The following HTR7 variants were observed in gnomAD, a reference collection of about 807,000 sequenced individuals.
HTR7 encodes 5-hydroxytryptamine receptor 7, also known as 5-HT-7.
Under a neutral mutation model 34.0 loss-of-function variants are expected in HTR7, and 16 were observed. The observed-to-expected ratio is 0.47, with a 90% confidence interval of 0.32 to 0.71. The LOEUF (loss-of-function observed/expected upper bound fraction) is 0.71, where lower values mean the gene tolerates loss of function less well. Among genes scored for constraint, HTR7 ranks in the 30% least tolerant of loss-of-function variants. The probability of loss-of-function intolerance (pLI) is 0.04; values close to 1 mark genes in which losing one functional copy is unlikely to be tolerated. For synonymous variants in HTR7, 265 were observed against 260.2 expected, an observed-to-expected ratio of 1.02 and a Z score of -0.18; for missense variants, 504 against 625.5, an observed-to-expected ratio of 0.81 and a Z score of 2.07.
intron 1 of HTR7, among the ~76,000 whole-genome samples, chr10:90,781,562 A>ATTTTTTAAAAATCCT (rs970910159): frequency 2.0e-5 from 3 of 152,208 alleles, no homozygotes; most frequent in African/African-American, 7.2e-5. Flanking sequence ...ATAAGAACTG[A>ATTTTTTAAAAATCCT]TTTTTTAAAA....
chr10:90,832,573 A>G (rs558047921), intron 1 of HTR7, among the ~76,000 whole-genome samples: 1 of 152,118 alleles, frequency 6.6e-6, no homozygotes, highest in East Asian at 1.9e-4. Context: ...ACACCTTCCC[A>G]CAAGCTGAGG....
chr10:90,767,812 C>T (rs189939565), intron 1 of HTR7, among the ~76,000 whole-genome samples: 10 of 152,172 alleles, frequency 6.6e-5, no homozygotes, highest in African/African-American at 2.2e-4. Context: ...CCTCAGAGCA[C>T]GACAGACTTC....
chr10:90,749,652 G>C lies in HTR7; in HGVS notation c.540-58C>G, dbSNP rs1357193635. On this transcript the variant is annotated intron_variant, in intron 1 of 3. Coordinates refer to ENST00000336152, the MANE Select transcript of HTR7 (RefSeq NM_019859.4). The surrounding 1 kb of genome is among the most constrained non-coding windows in gnomAD (Gnocchi z 4.2). ...ACCGTGATCATAACTGGTCAACCAAGCAAGTCCTGCCAGCCAGGTACCAGC... is the reference window on the plus strand; with the variant it reads ...ACCGTGATCATAACTGGTCAACCAACCAAGTCCTGCCAGCCAGGTACCAGC... 6 of 1,507,328 alleles carry C rather than the reference G, an allele frequency of 4.0e-6. No individual in the cohort carries two copies. In the African/African-American group the frequency reaches 6.9e-5, roughly 17 times the overall value. The allele number at this position is 1,507,328 out of a possible 1,614,324, so 93.4% of individuals were successfully genotyped here. A position where few individuals can be genotyped will look rare whatever the true frequency, so the allele number is the denominator to read the frequency against.
At position 90,857,796 on chromosome 10, in the gene HTR7, G is replaced by C; in HGVS notation, c.-125C>G. Reference sequence around the variant, plus strand: ...CCCAGCCATGGGGCCCGCGCCGACCGCTGGGGGGCGCCTGGCTCTGTCTCG... The same window carrying C: ...CCCAGCCATGGGGCCCGCGCCGACCCCTGGGGGGCGCCTGGCTCTGTCTCG... On this transcript the variant is annotated 5_prime_UTR_variant, in exon 1 of 4. Transcript: ENST00000336152. The surrounding 1 kb of genome is among the most constrained non-coding windows in gnomAD (Gnocchi z 6.5). The C allele has an allele frequency of 1.1e-6, 1 of 906,886 alleles. No homozygotes were observed. The highest frequency in any genetic ancestry group is 1.5e-6 in the Non-Finnish European group (1 of 682,000). The allele number at this position is 906,886 out of a possible 1,614,324, so 56.2% of individuals were successfully genotyped here. A position where few individuals can be genotyped will look rare whatever the true frequency, so the allele number is the denominator to read the frequency against.
chr10:90,832,395 C>T (rs1011317553), intron 1 of HTR7, among the ~76,000 whole-genome samples: 4 of 152,332 alleles, frequency 2.6e-5, no homozygotes, highest in South Asian at 2.1e-4. Flanking sequence ...GGGGACCCGG[C>T]ACACCCTCTG....
chr10:90,814,000 C>G (rs1845858615), intron 1 of HTR7, among the ~76,000 whole-genome samples: 1 of 152,222 alleles, frequency 6.6e-6, no homozygotes, highest in Admixed American at 6.5e-5. Context: ...AGGTGCCCCT[C>G]TCTTTCGCAA....
At position 90,770,982 on chromosome 10, in the gene HTR7, G is replaced by A. The variant is rs528492925; in HGVS notation, c.540-21388C>T. Among the ~76,000 whole-genome samples, 3 of 152,320 alleles carry A rather than the reference G, an allele frequency of 2.0e-5. No individual in the cohort carries two copies. In the East Asian group the frequency reaches 5.8e-4, roughly 29 times the overall value. ...AATGGGCACACACTTCCTCCCATCT[G>A]AGGCCCATAAAAGCCCCAGGCTCAG... On this transcript the variant is annotated intron_variant, in intron 1 of 3. Coordinates refer to ENST00000336152, the MANE Select transcript of HTR7 (RefSeq NM_019859.4).
rs146218770 is a variant in HTR7, at chr10:90,813,252, C to T, written c.539+43881G>A. Among the ~76,000 whole-genome samples, 1,096 of 152,258 alleles carry T rather than the reference C, an allele frequency of 7.2e-3. 22 individuals carry two copies. The highest frequency in any genetic ancestry group is 0.025 in the African/African-American group (1,024 of 41,538). On this transcript the variant is annotated intron_variant, in intron 1 of 3. Transcript: ENST00000336152. ...GTTTGGTGGTCTCTTCACACGGACG[C>T]GCATGAAACCTATAATACCAGCACT...
At chr10:90,755,103 C>A (rs1844816095) in intron 1 of HTR7, among the ~76,000 whole-genome samples, 1 of 152,210 alleles carries the variant, frequency 6.6e-6, no homozygotes, top group South Asian at 2.1e-4. Context: ...CCCCACACTG[C>A]TGTCAAAGCA....
rs117932094 is a variant in HTR7, at chr10:90,785,777, C to G, written c.540-36183G>C. On this transcript the variant is annotated intron_variant, in intron 1 of 3. Transcript: ENST00000336152. Reference sequence around the variant, plus strand: ...CTCAAAACTATGCTGATTTTTTTCCCCAACAATTCTTACTCCTTCTCAGAA... The same window carrying G: ...CTCAAAACTATGCTGATTTTTTTCCGCAACAATTCTTACTCCTTCTCAGAA... Among the ~76,000 whole-genome samples the G allele has an allele frequency of 8.7e-3, 1,330 of 152,092 alleles. 8 individuals carry two copies. Among genetic ancestry groups the G allele is most frequent in the Non-Finnish European group, 0.013 (852 of 67,990 alleles).
Position 90,857,572 on chromosome 10 carries a change from C to A in HTR7, c.100G>T (p.Asp34Tyr). ...CCCGCGACCGGGTCGGCGCCACCGT[C>A]GGGGCTCAAGTCGGGCAGCCCGCGC... is the stretch of plus-strand genomic sequence containing the variant. Reference protein sequence around the residue: ...VGRGLPDLSPDGGADPVAGSW... With the variant: ...VGRGLPDLSPYGGADPVAGSW... The change falls in exon 1 of 4, where the codon GAC becomes TAC. Residue 34 changes from aspartate to tyrosine, a missense_variant. Physicochemically the swap from Asp to Tyr is radical, Grantham distance 160 (BLOSUM62 -3). Coordinates refer to ENST00000336152, the MANE Select transcript of HTR7 (RefSeq NM_019859.4). The surrounding 1 kb of genome is among the most constrained non-coding windows in gnomAD (Gnocchi z 6.5). 6.3e-7 allele frequency: 1 copy of A among 1,595,430 alleles called. No homozygotes were observed. Among genetic ancestry groups the A allele is most frequent in the Non-Finnish European group, 8.5e-7 (1 of 1,172,586 alleles).
intron 2 of HTR7, among the ~76,000 whole-genome samples, chr10:90,745,206 A>G (rs1409803079): frequency 6.6e-6 from 1 of 152,194 alleles, no homozygotes; most frequent in Non-Finnish European, 1.5e-5. Flanking sequence ...ACAGAAATTT[A>G]TTTCTTATAG....
chr10:90,770,257 A>G (rs1041293883), intron 1 of HTR7, among the ~76,000 whole-genome samples: 1 of 152,162 alleles, frequency 6.6e-6, no homozygotes, highest in African/African-American at 2.4e-5. Flanking sequence ...ACCCTCTGAG[A>G]GCCTGCTGCC....
chr10:90,833,455 T>C (rs1589474135), intron 1 of HTR7, among the ~76,000 whole-genome samples: 1 of 152,346 alleles, frequency 6.6e-6, no homozygotes. Context: ...AAGCCTTTCC[T>C]TATTTGTAAA....
chr10:90,786,446 G>A (rs1311947216), intron 1 of HTR7, among the ~76,000 whole-genome samples: 2 of 152,160 alleles, frequency 1.3e-5, no homozygotes, highest in African/African-American at 2.4e-5. Flanking sequence ...ACACTTCCAC[G>A]TGTATTTGTT....
At chr10:90,748,805 G>C (rs1391553072) in intron 2 of HTR7, 34 bp downstream of exon 2, 3 of 1,571,112 alleles carry the variant, frequency 1.9e-6, no homozygotes, top group Middle Eastern at 1.9e-4. Context: ...AAGGGTTTGG[G>C]GGATAAAAGG....
intron 1 of HTR7, among the ~76,000 whole-genome samples, chr10:90,815,613 G>A (rs1845887334): frequency 2.0e-5 from 3 of 152,112 alleles, no homozygotes; most frequent in Admixed American, 2.0e-4. Context: ...AATAGCTAAT[G>A]AACACTGGGC....
intron 1 of HTR7, among the ~76,000 whole-genome samples, chr10:90,784,387 T>A (rs1845351515): frequency 1.3e-5 from 2 of 152,160 alleles, no homozygotes; most frequent in Admixed American, 1.3e-4. Context: ...GGCCACTTCA[T>A]CTCTTGGACT....
chr10:90,754,797 G>C (rs1206705359), intron 1 of HTR7, among the ~76,000 whole-genome samples: 1 of 152,196 alleles, frequency 6.6e-6, no homozygotes, highest in Non-Finnish European at 1.5e-5. Flanking sequence ...GCTATAGAAT[G>C]ATAATTTAGG....
Sources: gnomAD v4.1 joint callset for allele counts (sites outside exome capture counted in the v4.1 genomes callset) on GRCh38, gnomAD v4.1.1 for gene constraint, Gnocchi (gnomAD v3.1) non-coding constraint, MANE v1.5 for transcripts, NCBI Gene and HGNC (gene_info 2026-07-23, HGNC 2026-07-21) for gene names.